TANC1: variants seen among roughly 807,000 people sequenced by gnomAD.
The protein encoded by TANC1 is tetratricopeptide repeat, ankyrin repeat and coiled-coil containing 1, also known as protein TANC1.
Under a neutral mutation model 149.7 loss-of-function variants are expected in TANC1, and 77 were observed. The observed-to-expected ratio is 0.51, with a 90% CI of 0.43 to 0.62. The LOEUF is 0.62. Among genes scored for constraint, TANC1 ranks in the 20% least tolerant of loss-of-function variants. TANC1 has a pLI of 0.00. For synonymous variants in TANC1, 854 were observed against 925.0 expected, an observed-to-expected ratio of 0.92 and a Z score of 1.39; for missense variants, 1,985 against 2,321.8, an observed-to-expected ratio of 0.85 and a Z score of 2.98.
intron 4 of TANC1, among the ~76,000 whole-genome samples, chr2:159,126,164 C>G (rs1261193899): frequency 6.6e-6 from 1 of 152,134 alleles, no homozygotes; most frequent in African/African-American, 2.4e-5. Context: ...CCTACATGGT[C>G]GTACCCAGAT....
rs183065812 is a variant in TANC1 at position 159,084,061 on chromosome 2, C to G, written c.62-13576C>G. On this transcript the variant is annotated intron_variant, in intron 3 of 26. Transcript: ENST00000263635. Reference sequence around the variant, plus strand: ...GGTCAGGAGTTCGAGACCATCCTGGCCAACATGGCGAAACCCCCTCTCCAC... The same window carrying G: ...GGTCAGGAGTTCGAGACCATCCTGGGCAACATGGCGAAACCCCCTCTCCAC... Among the ~76,000 whole-genome samples, 1,290 of 152,268 alleles carry G rather than the reference C, an allele frequency of 8.5e-3. 9 individuals are homozygous for G. The highest frequency in any genetic ancestry group is 0.014 in the Non-Finnish European group (948 of 68,010).
chr2:159,225,798 T>C lies in TANC1; in HGVS notation c.3903+19T>C, dbSNP rs1326154567. Reference sequence around the variant, plus strand: ...GTACAAAGTAAGTGGTTCCGCCCTTTTCTTTGCCATTGAAACTGCCTGGGA... The same window carrying C: ...GTACAAAGTAAGTGGTTCCGCCCTTCTCTTTGCCATTGAAACTGCCTGGGA... On this transcript the variant is annotated intron_variant, in intron 24 of 26. Transcript: ENST00000263635. The C allele has an allele frequency of 6.3e-7, 1 of 1,590,592 alleles. No homozygotes were observed.
chr2:159,146,536 CTTTTTTTTTT>C (rs35745470), intron 5 of TANC1, among the ~76,000 whole-genome samples: 1 of 78,356 alleles, frequency 1.3e-5, no homozygotes, highest in East Asian at 3.9e-4. Flanking sequence ...GTCCCTTTTC[CTTTTTTTTTT>C]TTTTTTTTTT....
At chr2:159,106,540 C>G (rs934401422) in intron 4 of TANC1, among the ~76,000 whole-genome samples, 7 of 152,148 alleles carry the variant, frequency 4.6e-5, no homozygotes, top group African/African-American at 1.7e-4. Flanking sequence ...ATGAAGTACT[C>G]CTACATGCCA....
intron 7 of TANC1, among the ~76,000 whole-genome samples, chr2:159,161,118 C>T (rs1055221070): frequency 3.9e-5 from 6 of 152,194 alleles, no homozygotes; most frequent in Non-Finnish European, 4.4e-5. Flanking sequence ...TCCCTGAGGT[C>T]CTGATTGCAG....
At chr2:159,026,531 C>A (rs1171047291) in intron 2 of TANC1, among the ~76,000 whole-genome samples, 1 of 152,180 alleles carries the variant, frequency 6.6e-6, no homozygotes, top group African/African-American at 2.4e-5. Context: ...TGAGACTCAG[C>A]AATTTATAAA....
At chr2:158,980,631 C>T (rs2034191993) in intron 1 of TANC1, among the ~76,000 whole-genome samples, 1 of 151,882 alleles carries the variant, frequency 6.6e-6, no homozygotes, top group African/African-American at 2.4e-5. Context: ...AAAAAATAGC[C>T]GGGCATGGTG....
chr2:158,989,317 C>T (rs2035360426), intron 1 of TANC1, among the ~76,000 whole-genome samples: 1 of 151,938 alleles, frequency 6.6e-6, no homozygotes, highest in Admixed American at 6.6e-5. Flanking sequence ...TTAAGTTTAG[C>T]AATTCAGGCC....
intron 12 of TANC1, among the ~76,000 whole-genome samples, chr2:159,176,137 A>G (rs1483921595): frequency 6.6e-6 from 1 of 152,164 alleles, no homozygotes; most frequent in Non-Finnish European, 1.5e-5. Flanking sequence ...GTCATGCAAT[A>G]TGTTTGTTTT....
intron 4 of TANC1, among the ~76,000 whole-genome samples, chr2:159,123,255 T>G (rs2049042830): frequency 6.6e-6 from 1 of 152,160 alleles, no homozygotes; most frequent in Non-Finnish European, 1.5e-5. Flanking sequence ...GGTGATTTTT[T>G]TCTGTATAGG....
chr2:159,155,100 T>C (rs2053279662), intron 7 of TANC1, among the ~76,000 whole-genome samples: 1 of 152,240 alleles, frequency 6.6e-6, no homozygotes, highest in Non-Finnish European at 1.5e-5. Context: ...AAACAAAGCA[T>C]CACTGAAAAT....
chr2:159,198,956 A>G lies in TANC1; in HGVS notation c.3166-19A>G. The G allele has an allele frequency of 6.2e-7, 1 of 1,603,628 alleles. No individual in the cohort carries two copies. Among genetic ancestry groups the G allele is most frequent in the Non-Finnish European group, 8.5e-7 (1 of 1,170,682 alleles). The stretch of plus-strand genomic sequence containing the variant: ...TCTTGCTAAGAGAACTCATTAAATC[A>G]CCTTGCCACTTCTGACAGGTGGTCC... On this transcript the variant is annotated intron_variant, in intron 18 of 26. Coordinates refer to ENST00000263635, the MANE Select transcript of TANC1 (RefSeq NM_033394.3).
intron 1 of TANC1, among the ~76,000 whole-genome samples, chr2:158,969,814 C>T (rs1158255034): frequency 6.6e-6 from 1 of 152,250 alleles, no homozygotes; most frequent in East Asian, 1.9e-4. Flanking sequence ...CCAGGCTCGG[C>T]AACGGCCTTC....
At position 159,150,366 on chromosome 2, in the gene TANC1, G is replaced by C. The variant is rs2052646944; in HGVS notation, c.496-4G>C. 1 of 1,613,154 alleles carries C rather than the reference G, an allele frequency of 6.2e-7. No individual in the cohort carries two copies. The highest frequency in any genetic ancestry group is 8.5e-7 in the Non-Finnish European group (1 of 1,179,588). ...GCTAACTCCTCCTTCCATTCATCTTGCAGTGCACAGCTCTGAGTCAAGGCA... is the reference window on the plus strand; with the variant it reads ...GCTAACTCCTCCTTCCATTCATCTTCCAGTGCACAGCTCTGAGTCAAGGCA... On this transcript the variant is annotated splice_polypyrimidine_tract_variant and splice_region_variant and intron_variant, in intron 6 of 26. Coordinates refer to ENST00000263635, the MANE Select transcript of TANC1 (RefSeq NM_033394.3).
chr2:159,068,951 G>A (rs1291930879), intron 3 of TANC1, among the ~76,000 whole-genome samples: 1 of 152,172 alleles, frequency 6.6e-6, no homozygotes, highest in Non-Finnish European at 1.5e-5. Context: ...ATGTTGGCCA[G>A]GCTGGTCTTG....
chr2:158,984,456 T>A (rs746023294), intron 1 of TANC1, among the ~76,000 whole-genome samples: 1 of 152,200 alleles, frequency 6.6e-6, no homozygotes, highest in East Asian at 1.9e-4. Context: ...TTTTTAAAGA[T>A]AAAAAGTTAC....
intron 1 of TANC1, among the ~76,000 whole-genome samples, chr2:158,994,156 C>T (rs1183410465): frequency 6.6e-6 from 1 of 152,128 alleles, no homozygotes; most frequent in South Asian, 2.1e-4. Flanking sequence ...GTTTCTGAAT[C>T]ATAGAATTGT....
At chr2:159,034,252 C>T (rs893391147) in intron 2 of TANC1, among the ~76,000 whole-genome samples, 1 of 152,148 alleles carries the variant, frequency 6.6e-6, no homozygotes, top group Non-Finnish European at 1.5e-5. Flanking sequence ...CCCACTCCAG[C>T]GATCATCACC....
At chr2:159,012,436 CTATT>C (rs2037863250) in intron 2 of TANC1, among the ~76,000 whole-genome samples, 1 of 147,826 alleles carries the variant, frequency 6.8e-6, no homozygotes, top group African/African-American at 2.6e-5. Flanking sequence ...CCTTGGCACT[CTATT>C]TTTTTTTTTT....
Sources: gnomAD v4.1 joint callset for allele counts (sites outside exome capture counted in the v4.1 genomes callset) on GRCh38, gnomAD v4.1.1 for gene constraint, MANE v1.5 for transcripts, NCBI Gene and HGNC (gene_info 2026-07-23, HGNC 2026-07-21) for gene names.